Variants in CSMD1 observed in about 807,000 individuals in gnomAD.
CSMD1 encodes the protein CUB and sushi domain-containing protein 1.
CSMD1 carries 213 observed loss-of-function variants against 417.5 expected under a neutral mutation model. That is an observed-to-expected ratio of 0.51 (90% confidence interval 0.46 to 0.57). CSMD1 has a LOEUF of 0.57. Ranked by LOEUF, CSMD1 falls within the 20% of genes least tolerant of loss-of-function variation. The pLI is 0.00. For synonymous variants in CSMD1, 2,862 were observed against 1,736.8 expected (o/e 1.65, Z -16.11); for missense variants, 6,923 against 4,529.7 (o/e 1.53, Z -15.17).
At chr8:3,690,695 A>T (rs1402127871) in intron 7 of CSMD1, among the ~76,000 whole-genome samples, 1 of 152,184 alleles carries the variant, frequency 6.6e-6, no homozygotes, top group African/African-American at 2.4e-5. Flanking sequence ...TGAGAAGTAC[A>T]TAAAGCGCAT....
chr8:3,372,235 G>T (rs1052566625), intron 18 of CSMD1, among the ~76,000 whole-genome samples: 4 of 152,132 alleles, frequency 2.6e-5, no homozygotes, highest in Admixed American at 2.6e-4. Context: ...GGAACAATTT[G>T]GGTAGAGAGA....
chr8:3,221,969 C>G (rs73183597), intron 28 of CSMD1, among the ~76,000 whole-genome samples: 17,025 of 152,114 alleles, frequency 0.11, 1,264 homozygotes, highest in Admixed American at 0.17. Context: ...CTCATCAGCG[C>G]CAGCCTCCTG....
At chr8:4,291,758 G>T (rs548806060) in intron 3 of CSMD1, among the ~76,000 whole-genome samples, 2 of 152,178 alleles carry the variant, frequency 1.3e-5, no homozygotes, top group Non-Finnish European at 2.9e-5. Context: ...AAGAATATTA[G>T]GCTAACTAGC....
chr8:3,636,462 G>A (rs1311687570), intron 7 of CSMD1, among the ~76,000 whole-genome samples: 1 of 152,180 alleles, frequency 6.6e-6, no homozygotes, highest in Non-Finnish European at 1.5e-5. Flanking sequence ...ACAGGTGTGA[G>A]CCACCTCTCC....
At chr8:3,393,147 A>C (rs980879351) in intron 17 of CSMD1, among the ~76,000 whole-genome samples, 16 of 152,104 alleles carry the variant, frequency 1.1e-4, no homozygotes, top group African/African-American at 3.9e-4. Context: ...TTCTCCCTTA[A>C]GTCAGAGGAA....
chr8:3,108,836 T>C (rs11774005), intron 43 of CSMD1, 88 bp from the exon 44 acceptor site: 2 of 1,321,632 alleles, frequency 1.5e-6, no homozygotes. Context: ...TTAATTTTTT[T>C]AATAAAAGCA....
At chr8:4,173,926 C>T (rs574729287) in intron 3 of CSMD1, among the ~76,000 whole-genome samples, 27 of 152,206 alleles carry the variant, frequency 1.8e-4, no homozygotes, top group Non-Finnish European at 3.7e-4. Flanking sequence ...AGGGTATGAA[C>T]TAGCTTCTTC....
In CSMD1 at chr8:3,052,331, T is replaced by C; in HGVS notation, c.7660+131A>G. On this transcript the variant is annotated intron_variant, in intron 50 of 69. Coordinates refer to ENST00000635120, the MANE Select transcript of CSMD1 (RefSeq NM_033225.6). ...TGAAATACATTGGTTTTAATATTGC[T>C]ATGATGAAAGACACCAAATCCTCAC... 3 of 629,680 alleles carry C rather than the reference T, an allele frequency of 4.8e-6. No homozygotes were observed. In the South Asian group the frequency reaches 6.6e-5, roughly 14 times the overall value. The allele number at this position is 629,680 out of a possible 1,614,324, so 39.0% of individuals were successfully genotyped here.
At chr8:4,139,261 G>A (rs373766534) in intron 3 of CSMD1, among the ~76,000 whole-genome samples, 37,975 of 140,838 alleles carry the variant, frequency 0.27, 6,647 homozygotes, top group Non-Finnish European at 0.36. Flanking sequence ...TTATGCATCA[G>A]TGTAAAGTGT....
At chr8:4,981,714 C>A (rs1441012783) in intron 1 of CSMD1, among the ~76,000 whole-genome samples, 1 of 152,294 alleles carries the variant, frequency 6.6e-6, no homozygotes, top group East Asian at 1.9e-4. Flanking sequence ...GCACCCCCAC[C>A]TGCTGATGTC....
intron 21 of CSMD1, among the ~76,000 whole-genome samples, chr8:3,354,884 G>T (rs1216343076): frequency 1.3e-5 from 2 of 149,208 alleles, no homozygotes; most frequent in Non-Finnish European, 3.0e-5. Context: ...TATATCTATA[G>T]ATATGTCTAT....
At chr8:3,506,231 G>C (rs1471071229) in intron 10 of CSMD1, among the ~76,000 whole-genome samples, 1 of 152,080 alleles carries the variant, frequency 6.6e-6, no homozygotes, top group Non-Finnish European at 1.5e-5. Context: ...CTGGGGGAGA[G>C]GGTGCAGGTG....
At chr8:3,499,724 G>T (rs779362561) in intron 10 of CSMD1, among the ~76,000 whole-genome samples, 10 of 151,972 alleles carry the variant, frequency 6.6e-5, no homozygotes, top group Non-Finnish European at 1.3e-4. Context: ...CTGGGTTCAG[G>T]TTTGTGTCAC....
intron 2 of CSMD1, among the ~76,000 whole-genome samples, chr8:4,427,440 G>A (rs922783702): frequency 7.9e-5 from 12 of 151,810 alleles, no homozygotes; most frequent in Non-Finnish European, 1.2e-4. Context: ...GATACCATCC[G>A]GGGAAGATGC....
chr8:4,640,093 C>A (rs925097563), intron 1 of CSMD1, among the ~76,000 whole-genome samples: 2 of 152,018 alleles, frequency 1.3e-5, no homozygotes, highest in Non-Finnish European at 2.9e-5. Flanking sequence ...TGTTATAGAC[C>A]CATCAGGTTG....
chr8:3,425,091 C>A (rs1314634822), intron 12 of CSMD1, among the ~76,000 whole-genome samples: 1 of 152,192 alleles, frequency 6.6e-6, no homozygotes, highest in Admixed American at 6.5e-5. Flanking sequence ...CCTCCTGTCC[C>A]AGCATCCCAA....
At chr8:4,393,614 C>G (rs965817229) in intron 3 of CSMD1, among the ~76,000 whole-genome samples, 2 of 152,118 alleles carry the variant, frequency 1.3e-5, no homozygotes, top group African/African-American at 4.8e-5. Flanking sequence ...GGTAAAGTGT[C>G]ATTGATTAAA....
chr8:3,285,566 TA>T (rs1803086285), intron 25 of CSMD1, among the ~76,000 whole-genome samples: 1 of 151,856 alleles, frequency 6.6e-6, no homozygotes, highest in Non-Finnish European at 1.5e-5. Context: ...TTAGTATTAT[TA>T]TTTGTATTTA....
intron 6 of CSMD1, among the ~76,000 whole-genome samples, chr8:3,725,019 T>C (rs1392907370): frequency 6.6e-6 from 1 of 152,210 alleles, no homozygotes; most frequent in African/African-American, 2.4e-5. Context: ...TAAACGTTAT[T>C]CTGGGAAGAG....
Sources: allele counts gnomAD v4.1 joint callset (sites outside exome capture counted in the v4.1 genomes callset), GRCh38; gene constraint gnomAD v4.1.1; transcripts MANE v1.5; gene names NCBI Gene and HGNC (gene_info 2026-07-23, HGNC 2026-07-21).